Variants in GABPB1 observed in about 807,000 individuals in gnomAD.
GABPB1 encodes the protein GA-binding protein subunit beta-1.
A neutral mutation model predicts 45.9 loss-of-function variants in GABPB1; 15 were observed. The ratio of observed to expected loss-of-function variants is 0.33; its 90% CI spans 0.22 to 0.50. The LOEUF (loss-of-function observed/expected upper bound fraction) is 0.50. GABPB1 is among the 20% of genes least tolerant of loss of function. The probability of loss-of-function intolerance (pLI) is 0.98; values close to 1 mark genes in which losing one functional copy is unlikely to be tolerated. For synonymous variants in GABPB1, 143 were observed against 154.4 expected (o/e 0.93, Z 0.55); for missense variants, 252 against 457.5 (o/e 0.55, Z 4.10).
At chr15:50,303,879 G>T in intron 3 of GABPB1, 87 bp downstream of exon 3, 1 of 959,464 alleles carries the variant, frequency 1.0e-6, no homozygotes, top group Non-Finnish European at 1.5e-6. Context: ...AAAATACTAA[G>T]TAGGCATTTA....
At chr15:50,320,448 G>C (rs1004969025) in intron 1 of GABPB1, among the ~76,000 whole-genome samples, 1 of 152,192 alleles carries the variant, frequency 6.6e-6, no homozygotes, top group African/African-American at 2.4e-5. Context: ...GATTACAGGC[G>C]TGAGCCACCA....
chr15:50,345,459 C>T (rs968627271), intron 1 of GABPB1, among the ~76,000 whole-genome samples: 1 of 152,028 alleles, frequency 6.6e-6, no homozygotes, highest in South Asian at 2.1e-4. Flanking sequence ...CCCAGCTACT[C>T]GGGAAACTGA....
At chr15:50,282,153 T>C (rs982551588) in intron 8 of GABPB1, 9 of 375,308 alleles carry the variant, frequency 2.4e-5, no homozygotes, top group African/African-American at 2.0e-4. Flanking sequence ...TGAACTGTGA[T>C]TGCACCACTG....
intron 1 of GABPB1, among the ~76,000 whole-genome samples, chr15:50,313,280 T>A (rs2047194070): frequency 6.6e-6 from 1 of 152,192 alleles, no homozygotes; most frequent in Non-Finnish European, 1.5e-5. Context: ...ATGCTCAGTG[T>A]CACTGTTAAT....
chr15:50,319,230 A>AT (rs1567520677), intron 1 of GABPB1, among the ~76,000 whole-genome samples: 1 of 152,070 alleles, frequency 6.6e-6, no homozygotes, highest in African/African-American at 2.4e-5. Flanking sequence ...AAGAAGGCTT[A>AT]TTTTTTTACT....
rs2048382694 is a variant in GABPB1 at position 50,341,750 on chromosome 15, T to C, written c.-1+13235A>G. Among the ~76,000 whole-genome samples, 2 of 152,140 alleles carry C rather than the reference T, an allele frequency of 1.3e-5. 1 individual carries two copies. Among genetic ancestry groups the C allele is most frequent in the South Asian group, 4.1e-4 (2 of 4,828 alleles). ...AGCCCACAAATGTAAACCGTCTTCCTCTAGGGCACAATTGAGGAAACAGTG... is the reference window on the plus strand; with the variant it reads ...AGCCCACAAATGTAAACCGTCTTCCCCTAGGGCACAATTGAGGAAACAGTG... On this transcript the variant is annotated intron_variant, in intron 1 of 8. Coordinates refer to ENST00000380877, the MANE Select transcript of GABPB1 (RefSeq NM_016654.5).
chr15:50,342,977 T>C (rs929958449), intron 1 of GABPB1, among the ~76,000 whole-genome samples: 7 of 50 alleles, frequency 0.14, no homozygotes, highest in African/African-American at 0.27. Flanking sequence ...CTTGGCTCAC[T>C]GCAAGTCCGC....
intron 1 of GABPB1, among the ~76,000 whole-genome samples, chr15:50,319,083 T>A (rs574009484): frequency 3.3e-5 from 5 of 152,112 alleles, no homozygotes; most frequent in Admixed American, 6.5e-5. Flanking sequence ...TCAAAAGGTA[T>A]CTAATGTGGA....
intron 6 of GABPB1, among the ~76,000 whole-genome samples, chr15:50,300,427 CTGTTTT>C: frequency 1.3e-5 from 1 of 79,610 alleles, no homozygotes; most frequent in Admixed American, 1.6e-4. Flanking sequence ...GAATCTGCAA[CTGTTTT>C]TGGTTTTTTT....
chr15:50,307,037 T>C (rs1050281951), intron 2 of GABPB1, among the ~76,000 whole-genome samples: 2 of 152,126 alleles, frequency 1.3e-5, no homozygotes, highest in Admixed American at 6.6e-5. Context: ...TAGTCTTGTA[T>C]ATGTTTCAGG....
intron 6 of GABPB1, among the ~76,000 whole-genome samples, chr15:50,291,012 A>G (rs2046326162): frequency 6.6e-6 from 1 of 152,228 alleles, no homozygotes; most frequent in Non-Finnish European, 1.5e-5. Context: ...CAAACAACGC[A>G]GATATTCTTT....
At chr15:50,318,729 TAAG>T (rs1192795359) in intron 1 of GABPB1, among the ~76,000 whole-genome samples, 1 of 152,232 alleles carries the variant, frequency 6.6e-6, no homozygotes, top group African/African-American at 2.4e-5. Flanking sequence ...GTAAGTCTCC[TAAG>T]AAGAGAATGA....
At chr15:50,340,756 C>CCACTAT (rs11281020) in intron 1 of GABPB1, among the ~76,000 whole-genome samples, 74,080 of 150,852 alleles carry the variant, frequency 0.49, 19,211 homozygotes, top group Middle Eastern at 0.64. Context: ...TGTTTGTTGG[C>CCACTAT]CACTATGTTT....
chr15:50,302,354 T>C (rs1484258620), intron 4 of GABPB1, among the ~76,000 whole-genome samples: 1 of 151,868 alleles, frequency 6.6e-6, no homozygotes, highest in Non-Finnish European at 1.5e-5. Context: ...TAGAATAAAA[T>C]GTCTAGGGCC....
chr15:50,337,087 A>G (rs1444021854), intron 1 of GABPB1, among the ~76,000 whole-genome samples: 6 of 2,928 alleles, frequency 2.0e-3, no homozygotes, highest in African/African-American at 4.4e-3. Context: ...ATATATATAT[A>G]TATATATATA....
chr15:50,335,757 G>C (rs569513672), intron 1 of GABPB1, among the ~76,000 whole-genome samples: 1 of 151,714 alleles, frequency 6.6e-6, no homozygotes, highest in Non-Finnish European at 1.5e-5. Flanking sequence ...TTAGCCAGGC[G>C]TGGTGGCATG....
At chr15:50,304,169 A>G (rs1335959007) in intron 2 of GABPB1, 36 bp from the exon 3 acceptor site, 5 of 1,530,942 alleles carry the variant, frequency 3.3e-6, no homozygotes, top group Middle Eastern at 1.7e-4. Context: ...CCACATTTAC[A>G]TTATTGTTAC....
intron 1 of GABPB1, among the ~76,000 whole-genome samples, chr15:50,318,825 G>T (rs2047444655): frequency 5.9e-5 from 9 of 152,116 alleles, no homozygotes; most frequent in Admixed American, 5.9e-4. Flanking sequence ...TTTCAGAAGG[G>T]AGAAAAAAAC....
intron 3 of GABPB1, among the ~76,000 whole-genome samples, 185 bp downstream of exon 3, chr15:50,303,781 A>T (rs2046843487): frequency 6.6e-6 from 1 of 152,164 alleles, no homozygotes; most frequent in Non-Finnish European, 1.5e-5. Context: ...AATATACCTA[A>T]ATGAAGTTTT....
Sources: allele counts gnomAD v4.1 joint callset (sites outside exome capture counted in the v4.1 genomes callset), GRCh38; gene constraint gnomAD v4.1.1; transcripts MANE v1.5; gene names NCBI Gene and HGNC (gene_info 2026-07-23, HGNC 2026-07-21).